The following DPP6 variants were observed in gnomAD, a reference collection of about 807,000 sequenced individuals.
DPP6 encodes the protein dipeptidyl peptidase like 6, also known as A-type potassium channel modulatory protein DPP6.
DPP6 carries 69 observed loss-of-function variants against 122.6 expected under a neutral mutation model. The ratio of observed to expected loss-of-function variants is 0.56; its 90% CI spans 0.46 to 0.69. The LOEUF is 0.69. Among genes scored for constraint, DPP6 ranks in the 30% least tolerant of loss-of-function variants. The pLI is 0.00. For missense variants in DPP6, 928 were observed against 1,116.9 expected (o/e 0.83, Z 2.41); for synonymous variants, 418 against 433.1 (o/e 0.97, Z 0.43).
intron 16 of DPP6, among the ~76,000 whole-genome samples, chr7:154,840,851 T>C (rs1056257808): frequency 5.3e-5 from 8 of 152,304 alleles, no homozygotes; most frequent in African/African-American, 1.9e-4. Context: ...CTGAACTGAC[T>C]CTGCCAAGTG....
chr7:154,702,601 A>G (rs1426667100), intron 7 of DPP6, among the ~76,000 whole-genome samples: 1 of 152,258 alleles, frequency 6.6e-6, no homozygotes, highest in Non-Finnish European at 1.5e-5. Flanking sequence ...CTAATCCAGA[A>G]CAAGATCCTA....
At chr7:153,848,877 G>A in the DPP6 span, among the ~76,000 whole-genome samples, 1 of 151,968 alleles carries the variant, frequency 6.6e-6, no homozygotes, top group Non-Finnish European at 1.5e-5. Context: ...TTGTTCTATT[G>A]TCATACTTTC....
intron 1 of DPP6, among the ~76,000 whole-genome samples, chr7:154,221,605 A>G (rs115042883): frequency 0.012 from 1,797 of 152,286 alleles, 39 homozygotes; most frequent in African/African-American, 0.041. Context: ...TTTCAGTCCT[A>G]TAACTCAGTG....
At chr7:154,180,867 CATT>C (rs1218376017) in intron 1 of DPP6, among the ~76,000 whole-genome samples, 1 of 152,100 alleles carries the variant, frequency 6.6e-6, no homozygotes, top group East Asian at 1.9e-4. Flanking sequence ...TTCAAAATCA[CATT>C]AATTCAAGTT....
intron 10 of DPP6, chr7:154,793,710 G>A (rs1049884431): frequency 6.0e-6 from 1 of 165,878 alleles, no homozygotes; most frequent in Non-Finnish European, 1.3e-5. Context: ...TGCCCGGTCA[G>A]GTGGTTAGTT....
chr7:153,898,523 G>T (rs959159945), intron 1 of DPP6, among the ~76,000 whole-genome samples: 1 of 152,150 alleles, frequency 6.6e-6, no homozygotes, highest in African/African-American at 2.4e-5. Flanking sequence ...ACTGTTTGAG[G>T]TGATGAATAT....
At chr7:154,133,261 C>T (rs1162272042) in intron 1 of DPP6, among the ~76,000 whole-genome samples, 1 of 152,174 alleles carries the variant, frequency 6.6e-6, no homozygotes, top group East Asian at 1.9e-4. Context: ...CCAGCTGCTC[C>T]GTGTCACCCT....
chr7:154,091,034 TGGTGTGAACCCA>T (rs1804786974), intron 1 of DPP6, among the ~76,000 whole-genome samples: 1 of 150,386 alleles, frequency 6.6e-6, no homozygotes, highest in Admixed American at 6.6e-5. Context: ...GGCAGGAGAA[TGGTGTGAACCCA>T]GGAGGTGGAG....
chr7:154,435,015 T>G (rs181331472), intron 1 of DPP6, among the ~76,000 whole-genome samples: 1 of 152,126 alleles, frequency 6.6e-6, no homozygotes, highest in Non-Finnish European at 1.5e-5. Flanking sequence ...TTTTGTATTT[T>G]TAGTAGAGAT....
rs559659472 is a variant in DPP6, at chr7:154,889,646, G to T, written c.2451+116G>T. On this transcript the variant is annotated intron_variant, in intron 25 of 25. Transcript: ENST00000377770. ...CAGCAGACACGCCTGTGCTGTGGTGGTCGGTGATGAGCAAGGTCCCAGCAG... is the reference window on the plus strand; with the variant it reads ...CAGCAGACACGCCTGTGCTGTGGTGTTCGGTGATGAGCAAGGTCCCAGCAG... 6.0e-6 allele frequency: 9 copies of T among 1,490,858 alleles called. No individual in the cohort carries two copies. In the East Asian group the frequency reaches 2.2e-4, roughly 37 times the overall value. The allele number at this position is 1,490,858 out of a possible 1,614,324, so 92.4% of individuals were successfully genotyped here.
At chr7:154,857,091 C>T (rs775535245) in intron 17 of DPP6, among the ~76,000 whole-genome samples, 2 of 152,128 alleles carry the variant, frequency 1.3e-5, no homozygotes, top group African/African-American at 2.4e-5. Flanking sequence ...TATTTCATCC[C>T]GCCCTAGCCT....
chr7:154,868,597 C>A (rs888171950), intron 18 of DPP6, among the ~76,000 whole-genome samples: 5 of 152,204 alleles, frequency 3.3e-5, no homozygotes, highest in African/African-American at 1.2e-4. Context: ...TGAACTGTCC[C>A]TCCAGTCATT....
Position 154,868,091 on chromosome 7 carries a change from A to T in DPP6, c.1811A>T (p.Tyr604Phe). Residue 604 changes from tyrosine to phenylalanine, a missense_variant and splice_region_variant, in exon 18 of 26, where the codon TAC (tyrosine) becomes TTC (phenylalanine). Tyr to Phe is a conservative substitution (Grantham distance 22). Transcript: ENST00000377770. Reference sequence around the variant, plus strand: ...TACAGGGACATTGAGATTGATGATTACAGTAAGTACTACGTTTTTCCCCTC... The same window carrying T: ...TACAGGGACATTGAGATTGATGATTTCAGTAAGTACTACGTTTTTCCCCTC... Reference protein sequence around the residue: ...VEYRDIEIDDYNLPMQILKPA... With the variant: ...VEYRDIEIDDFNLPMQILKPA... 6.2e-7 allele frequency: 1 copy of T among 1,601,812 alleles called. No homozygotes were observed. Among genetic ancestry groups the T allele is most frequent in the Non-Finnish European group, 8.5e-7 (1 of 1,173,998 alleles).
chr7:154,010,039 G>C lies in DPP6; in HGVS notation c.51+122305G>C, dbSNP rs1031358117. On this transcript the variant is annotated intron_variant, in intron 1 of 25. Transcript: ENST00000404039. ...TATAATGCCCAGCTAGGAGGGAGTCGGTGGAAGAGGTGTCATCTATTTTCC... is the reference window on the plus strand; with the variant it reads ...TATAATGCCCAGCTAGGAGGGAGTCCGTGGAAGAGGTGTCATCTATTTTCC... Among the ~76,000 whole-genome samples, 7 of 152,132 alleles carry C rather than the reference G, an allele frequency of 4.6e-5. No homozygotes were observed. In the East Asian group the frequency reaches 1.2e-3, roughly 25 times the overall value.
chr7:154,299,973 G>C (rs1025440815), intron 1 of DPP6, among the ~76,000 whole-genome samples: 4 of 152,222 alleles, frequency 2.6e-5, no homozygotes, highest in Admixed American at 2.0e-4. Context: ...CATCTGGAGG[G>C]GGGAGAATGG....
intron 1 of DPP6, among the ~76,000 whole-genome samples, chr7:154,440,698 G>T (rs1337996714): frequency 6.6e-6 from 1 of 152,210 alleles, no homozygotes; most frequent in Admixed American, 6.5e-5. Flanking sequence ...TAGAAGAAGA[G>T]ATTGATTGGT....
intron 3 of DPP6, among the ~76,000 whole-genome samples, chr7:154,517,165 G>C (rs752623643): frequency 2.0e-5 from 3 of 152,122 alleles, no homozygotes; most frequent in Non-Finnish European, 4.4e-5. Flanking sequence ...TAGCTCCCCT[G>C]GCAGGACTGG....
chr7:154,305,606 G>A (rs1029442291), intron 1 of DPP6: 5 of 1,540,702 alleles, frequency 3.2e-6, no homozygotes, highest in Admixed American at 3.9e-5. Context: ...GTGCATGCGT[G>A]CATATGTGTG....
intron 1 of DPP6, among the ~76,000 whole-genome samples, chr7:154,210,061 T>C (rs1311313170): frequency 6.6e-6 from 1 of 152,110 alleles, no homozygotes; most frequent in African/African-American, 2.4e-5. Flanking sequence ...CTCATTACTC[T>C]CAATTTTCTA....
Sources: gnomAD v4.1 joint callset for allele counts (sites outside exome capture counted in the v4.1 genomes callset) on GRCh38, gnomAD v4.1.1 for gene constraint, MANE v1.5 for transcripts, NCBI Gene and HGNC (gene_info 2026-07-23, HGNC 2026-07-21) for gene names.